Variants in KLHL8 observed in about 807,000 individuals in gnomAD.
KLHL8 encodes the protein kelch-like protein 8.
Under a neutral mutation model 63.5 loss-of-function variants are expected in KLHL8, and 38 were observed. The ratio of observed to expected loss-of-function variants is 0.60; its 90% CI spans 0.46 to 0.78. The LOEUF is 0.78. Ranked by LOEUF, KLHL8 falls within the 30% of genes least tolerant of loss-of-function variation. The pLI is 0.00. For synonymous variants in KLHL8, 224 were observed against 254.3 expected, an observed-to-expected ratio of 0.88 and a Z score of 1.13; for missense variants, 566 against 752.4, an observed-to-expected ratio of 0.75 and a Z score of 2.90.
intron 1 of KLHL8, among the ~76,000 whole-genome samples, chr4:87,202,617 C>T (rs1413248450): frequency 6.6e-6 from 1 of 152,174 alleles, no homozygotes; most frequent in African/African-American, 2.4e-5. Flanking sequence ...TCAAAACCCA[C>T]AAACTACCAA....
intron 8 of KLHL8, among the ~76,000 whole-genome samples, chr4:87,169,512 G>C (rs1730553441): frequency 6.6e-6 from 1 of 152,046 alleles, no homozygotes. Flanking sequence ...GAAAAATAAG[G>C]CTGTACATGT....
chr4:87,195,440 T>TAATTGAGGA lies in KLHL8; in HGVS notation c.91_99dup (p.Ser32_Ser34dup). ...AAGGAATCTTCTCCATCACCATCAC[T>TAATTGAGGA]AATTGAGGATCTGTTCTTTATTTGC... On this transcript the variant is annotated inframe_insertion, in exon 2 of 10. Coordinates refer to ENST00000273963, the MANE Select transcript of KLHL8 (RefSeq NM_020803.5). 2 of 1,613,798 alleles carry TAATTGAGGA rather than the reference T, an allele frequency of 1.2e-6. No homozygotes were observed. The highest frequency in any genetic ancestry group is 1.7e-6 in the Non-Finnish European group (2 of 1,179,758).
chr4:87,224,472 T>G (rs1162263195), upstream of KLHL8, among the ~76,000 whole-genome samples: 1 of 152,192 alleles, frequency 6.6e-6, no homozygotes, highest in African/African-American at 2.4e-5. Flanking sequence ...TATCTTCATT[T>G]GCTAGGGAGG....
At chr4:87,202,078 C>T (rs1450651631) in intron 1 of KLHL8, among the ~76,000 whole-genome samples, 1 of 151,758 alleles carries the variant, frequency 6.6e-6, no homozygotes, top group African/African-American at 2.4e-5. Context: ...CCGCTGCACT[C>T]CAGCCTGGGC....
intron 1 of KLHL8, among the ~76,000 whole-genome samples, chr4:87,209,073 T>C (rs1301636696): frequency 2.6e-5 from 4 of 152,158 alleles, no homozygotes; most frequent in Admixed American, 6.6e-5. Context: ...ACTCAAAGAC[T>C]ATTCACTCTG....
chr4:87,217,263 C>T (rs1385944032), intron 1 of KLHL8, among the ~76,000 whole-genome samples: 1 of 150,788 alleles, frequency 6.6e-6, no homozygotes, highest in Non-Finnish European at 1.5e-5. Context: ...AAGACATAGT[C>T]AAGTGAATTT....
chr4:87,187,037 G>A lies in KLHL8; in HGVS notation c.217-1238C>T, dbSNP rs1731288247. ...TTGAAAAATCAGATAGCTTCCAACA[G>A]TATGCTATTACAAATAGCACACTAG... On this transcript the variant is annotated intron_variant, in intron 2 of 9. Transcript: ENST00000273963. Among the ~76,000 whole-genome samples the A allele has an allele frequency of 2.0e-5, 3 of 151,018 alleles. No individual in the cohort carries two copies. In the South Asian group the frequency reaches 6.2e-4, roughly 31 times the overall value.
intron 8 of KLHL8, among the ~76,000 whole-genome samples, chr4:87,169,060 T>A (rs1474649238): frequency 6.6e-6 from 1 of 151,834 alleles, no homozygotes; most frequent in Non-Finnish European, 1.5e-5. Context: ...ATCCCAGCAC[T>A]TTGGGAGGCC....
intron 8 of KLHL8, among the ~76,000 whole-genome samples, chr4:87,166,645 T>C (rs1730410456): frequency 1.3e-5 from 2 of 152,328 alleles, no homozygotes; most frequent in East Asian, 3.9e-4. Context: ...TTGAGAACTG[T>C]TTGAAACACA....
At chr4:87,225,523 G>T (rs1013451026), upstream of KLHL8, among the ~76,000 whole-genome samples, 1 of 152,148 alleles carries the variant, frequency 6.6e-6, no homozygotes, top group Non-Finnish European at 1.5e-5. Context: ...GGGCCATAAG[G>T]TCTCTGTTGC....
Position 87,230,902 on chromosome 4 carries a change from A to G in KLHL8, n.57+9356T>C, listed in dbSNP as rs556362642. On this transcript the variant is annotated intron_variant and non_coding_transcript_variant, in intron 1 of 1. Coordinates refer to the KLHL8 transcript ENST00000506274. ...AAGCCTAGATGTTAGGATTTTTTGC[A>G]TAGTATTTTTGCACGCGTCAATATG... Among the ~76,000 whole-genome samples the G allele has an allele frequency of 4.6e-5, 7 of 152,296 alleles. No individual in the cohort carries two copies. The South Asian group carries it at 8.3e-4, about 18-fold the overall frequency.
chr4:87,178,907 A>G (rs1237833512), intron 4 of KLHL8, among the ~76,000 whole-genome samples: 1 of 152,156 alleles, frequency 6.6e-6, no homozygotes, highest in African/African-American at 2.4e-5. Flanking sequence ...TCAGCCTCTA[A>G]GTTAATTTCT....
chr4:87,176,608 A>C lies in KLHL8; in HGVS notation c.1208+149T>G, dbSNP rs555057512. 3 of 563,878 alleles carry C rather than the reference A, an allele frequency of 5.3e-6. No individual in the cohort carries two copies. The East Asian group carries it at 9.2e-5, about 17-fold the overall frequency. The allele number at this position is 563,878 out of a possible 1,614,324, so 34.9% of individuals were successfully genotyped here. ...CTTAAAAAAAATAAAAGGTGTTAAC[A>C]AAGTATCACTTTGGACATGCTAACA... is the stretch of plus-strand genomic sequence containing the variant. On this transcript the variant is annotated intron_variant, in intron 6 of 9. Coordinates refer to ENST00000273963, the MANE Select transcript of KLHL8 (RefSeq NM_020803.5).
chr4:87,212,037 T>C lies in KLHL8; in HGVS notation c.-152+8381A>G, dbSNP rs559985161. Reference sequence around the variant, plus strand: ...CCTTACGTATAGAAAAAAGGTAGATTTAATGAAAGGGAAAATGATCAATGA... The same window carrying C: ...CCTTACGTATAGAAAAAAGGTAGATCTAATGAAAGGGAAAATGATCAATGA... On this transcript the variant is annotated intron_variant, in intron 1 of 9. Transcript: ENST00000273963. Among the ~76,000 whole-genome samples the C allele has an allele frequency of 5.3e-5, 8 of 152,144 alleles. No individual in the cohort carries two copies. In the South Asian group the frequency reaches 1.7e-3, roughly 32 times the overall value.
chr4:87,224,977 T>C (rs1202980126), upstream of KLHL8, among the ~76,000 whole-genome samples: 1 of 152,116 alleles, frequency 6.6e-6, no homozygotes, highest in African/African-American at 2.4e-5. Context: ...GGGATTTTGC[T>C]ATGTTGCCAC....
chr4:87,163,451 A>G lies in KLHL8; in HGVS notation c.*68T>C, dbSNP rs922024015. 2.6e-6 allele frequency: 4 copies of G among 1,530,662 alleles called. No homozygotes were observed. The highest frequency in any genetic ancestry group is 2.7e-6 in the Non-Finnish European group (3 of 1,122,758). 94.8% of individuals were successfully genotyped at this position (1,530,662 alleles called of 1,614,324 possible). ...CAGTAAAAAGTGTTGAAAGGTGGTC[A>G]TATCAAAATCTTGGTTTTCTTTTGT... On this transcript the variant is annotated 3_prime_UTR_variant, in exon 10 of 10. Coordinates refer to ENST00000273963, the MANE Select transcript of KLHL8 (RefSeq NM_020803.5).
In KLHL8 at chr4:87,208,588, T is replaced by C. The variant is rs557950273; in HGVS notation, c.-152+11830A>G. Among the ~76,000 whole-genome samples the C allele has an allele frequency of 3.5e-4, 53 of 152,246 alleles. 2 individuals are homozygous for C. In the South Asian group the frequency reaches 0.011, roughly 30 times the overall value. ...CCTGGACTCAGGCCATCTTCCCCCCTGGGCCTCCCAAAATGCGGGGACTAC... is the reference window on the plus strand; with the variant it reads ...CCTGGACTCAGGCCATCTTCCCCCCCGGGCCTCCCAAAATGCGGGGACTAC... On this transcript the variant is annotated intron_variant, in intron 1 of 9. Transcript: ENST00000273963.
chr4:87,229,438 T>G (rs61472464), intron 1 of KLHL8, among the ~76,000 whole-genome samples: 11 of 132,756 alleles, frequency 8.3e-5, no homozygotes, highest in Admixed American at 3.1e-4. Context: ...TTTTTTTTGG[T>G]GGGGGGGGGT....
intron 1 of KLHL8, among the ~76,000 whole-genome samples, chr4:87,231,054 T>C (rs1343489686): frequency 6.6e-6 from 1 of 152,140 alleles, no homozygotes; most frequent in Non-Finnish European, 1.5e-5. Flanking sequence ...CACAGCAGGC[T>C]AGAAGTACTG....
Sources: gnomAD v4.1 joint callset for allele counts (sites outside exome capture counted in the v4.1 genomes callset) on GRCh38, gnomAD v4.1.1 for gene constraint, MANE v1.5 for transcripts, NCBI Gene and HGNC (gene_info 2026-07-23, HGNC 2026-07-21) for gene names.